The following ACSBG2 variants were observed in gnomAD, a reference collection of about 807,000 sequenced individuals.
The protein encoded by ACSBG2 is long-chain-fatty-acid--CoA ligase ACSBG2.
In ACSBG2, 62 loss-of-function variants were observed where a neutral mutation model predicts 74.7. The ratio of observed to expected loss-of-function variants is 0.83; its 90% CI spans 0.68 to 1.03. ACSBG2 has a LOEUF of 1.03. Among genes scored for constraint, ACSBG2 ranks in the 50% least tolerant of loss-of-function variants. The pLI is 0.00. For missense variants in ACSBG2, 730 were observed against 817.6 expected (o/e 0.89, Z 1.31); for synonymous variants, 309 against 294.1 (o/e 1.05, Z -0.52).
intron 7 of ACSBG2, among the ~76,000 whole-genome samples, chr19:6,169,565 G>A (rs1472451536): frequency 6.6e-6 from 1 of 151,892 alleles, no homozygotes; most frequent in Non-Finnish European, 1.5e-5. Context: ...TGCTCTATTT[G>A]GGCTTTCTGG....
In ACSBG2 at chr19:6,187,570, T is replaced by A. The variant is rs778188540; in HGVS notation, c.1681-29T>A. On this transcript the variant is annotated intron_variant, in intron 12 of 14. Coordinates refer to ENST00000588485, the MANE Select transcript of ACSBG2 (RefSeq NM_030924.5). ...GGGGAGGGGTGCTGGTCAAGGAGCATGGGTGGTGACAGAGGTGTCTGGGGG... is the reference window on the plus strand; with the variant it reads ...GGGGAGGGGTGCTGGTCAAGGAGCAAGGGTGGTGACAGAGGTGTCTGGGGG... 3.1e-6 allele frequency: 5 copies of A among 1,613,050 alleles called. No homozygotes were observed. The South Asian group carries it at 5.5e-5, about 18-fold the overall frequency.
Position 6,161,245 on chromosome 19 carries a change from G to A in ACSBG2, c.538G>A (p.Ala180Thr). Residue 180 changes from alanine to threonine, a missense_variant, in exon 6 of 15, where the codon GCG becomes ACG. Transcript: ENST00000588485. ...IPQSSLEPLKAIIQYRLPMKK... is the reference protein window; with the variant it reads ...IPQSSLEPLKTIIQYRLPMKK... ...ACAGAGCAGCCTAGAGCCCCTAAAA[G>A]CGATCATCCAGTACAGACTGCCAAT... The A allele has an allele frequency of 6.2e-7, 1 of 1,613,720 alleles. No homozygotes were observed. The highest frequency in any genetic ancestry group is 8.5e-7 in the Non-Finnish European group (1 of 1,179,732).
At chr19:6,149,679 T>G (rs887026187) in intron 3 of ACSBG2, among the ~76,000 whole-genome samples, 1 of 152,046 alleles carries the variant, frequency 6.6e-6, no homozygotes, top group African/African-American at 2.4e-5. Flanking sequence ...GCTAATTTTT[T>G]GTATATTTAG....
At chr19:6,182,714 G>A in intron 8 of ACSBG2, 37 bp from the exon 9 acceptor site, 1 of 1,597,226 alleles carries the variant, frequency 6.3e-7, no homozygotes. Flanking sequence ...GTGCACGGAA[G>A]GCCCTGCTGT....
chr19:6,163,538 C>T (rs891639960), intron 6 of ACSBG2, among the ~76,000 whole-genome samples: 2 of 149,848 alleles, frequency 1.3e-5, no homozygotes, highest in Admixed American at 6.7e-5. Flanking sequence ...GTCAGGAGTT[C>T]GAGACCATCC....
chr19:6,191,983 A>G lies in ACSBG2; in HGVS notation c.*36-685A>G, dbSNP rs924317374. 6 of 151,194 alleles carry G rather than the reference A, an allele frequency of 4.0e-5. No homozygotes were observed. The East Asian group carries it at 1.2e-3, about 29-fold the overall frequency. 9.4% of individuals were successfully genotyped at this position (151,194 alleles called of 1,614,324 possible). On this transcript the variant is annotated intron_variant, in intron 14 of 14. Coordinates refer to ENST00000588485, the MANE Select transcript of ACSBG2 (RefSeq NM_030924.5). ...GACCCTCTTACACCAGTGCTGTCCA[A>G]TATGGCAGCCACTGGCCACTATGTG...
chr19:6,149,338 A>T (rs76493785), intron 3 of ACSBG2, among the ~76,000 whole-genome samples: 9,007 of 152,056 alleles, frequency 0.059, 822 homozygotes, highest in African/African-American at 0.2. Context: ...AGAACAGCAG[A>T]TCATTGCCAG....
chr19:6,183,641 G>A (rs16993450), intron 10 of ACSBG2, among the ~76,000 whole-genome samples: 2,830 of 152,188 alleles, frequency 0.019, 85 homozygotes, highest in African/African-American at 0.066. Context: ...TAGGCTGCAA[G>A]GTTGAACCCA....
intron 7 of ACSBG2, among the ~76,000 whole-genome samples, chr19:6,170,557 T>C (rs1436305262): frequency 2.6e-5 from 4 of 152,166 alleles, no homozygotes; most frequent in South Asian, 4.1e-4. Flanking sequence ...GTTTTGAGGG[T>C]TCCTCTTGGT....
At chr19:6,150,491 A>G (rs558410541) in intron 3 of ACSBG2, among the ~76,000 whole-genome samples, 16 of 152,328 alleles carry the variant, frequency 1.1e-4, no homozygotes, top group Admixed American at 9.1e-4. Context: ...GTCCGCCCAT[A>G]CAAGGGAATA....
intron 5 of ACSBG2, among the ~76,000 whole-genome samples, chr19:6,160,917 C>A (rs560780734): frequency 1.3e-5 from 2 of 151,998 alleles, no homozygotes; most frequent in African/African-American, 2.4e-5. Context: ...CTGGCCAATA[C>A]GGTGAAACCC....
In ACSBG2 at chr19:6,168,858, A is replaced by G. The variant is rs529592734; in HGVS notation, c.738+2843A>G. 7.9e-5 allele frequency among the ~76,000 whole-genome samples: 12 copies of G among 152,274 alleles called. No individual in the cohort carries two copies. The South Asian group carries it at 8.3e-4, about 11-fold the overall frequency. On this transcript the variant is annotated intron_variant, in intron 7 of 14. Coordinates refer to ENST00000588485, the MANE Select transcript of ACSBG2 (RefSeq NM_030924.5). ...CAGTGACACTATCGCGGCACACTGC[A>G]ATGTCCACCTCCCAGGTTTAAACAA...
chr19:6,179,414 C>T (rs954786591), intron 8 of ACSBG2, among the ~76,000 whole-genome samples: 3 of 151,590 alleles, frequency 2.0e-5, no homozygotes, highest in Non-Finnish European at 4.4e-5. Context: ...ATCCTCCCAC[C>T]TCAGCCTCCC....
intron 6 of ACSBG2, among the ~76,000 whole-genome samples, chr19:6,163,114 A>AAAATAC (rs1159537856): frequency 3.1e-5 from 4 of 128,468 alleles, no homozygotes; most frequent in African/African-American, 1.2e-4. Context: ...GTCTCTACTA[A>AAAATAC]AAATACAAAT....
intron 7 of ACSBG2, among the ~76,000 whole-genome samples, chr19:6,166,284 G>GTGTGTT (rs1216747600): frequency 9.9e-5 from 6 of 60,306 alleles, no homozygotes; most frequent in South Asian, 1.4e-3. Flanking sequence ...GGAAGGTTGT[G>GTGTGTT]TGTGTGTGTG....
At position 6,166,280 on chromosome 19, in the gene ACSBG2, T is replaced by TTGTGTGTGTGTGTGTGTGTGTGTG. The variant is rs35422900; in HGVS notation, c.738+293_738+316dup. On this transcript the variant is annotated intron_variant, in intron 7 of 14. Transcript: ENST00000588485. ...GATTCCTCTGTGTGAGTCAGGAAGG[T>TTGTGTGTGTGTGTGTGTGTGTGTG]TGTGTGTGTGTGTGTGTGTGTGTGT... Among the ~76,000 whole-genome samples, 458 of 119,128 alleles carry TTGTGTGTGTGTGTGTGTGTGTGTG rather than the reference T, an allele frequency of 3.8e-3. 26 individuals are homozygous for TTGTGTGTGTGTGTGTGTGTGTGTG. Among genetic ancestry groups the TTGTGTGTGTGTGTGTGTGTGTGTG allele is most frequent in the African/African-American group, 0.013 (348 of 26,558 alleles). The allele number at this position is 119,128 out of a possible 152,430, so 78.2% of individuals were successfully genotyped here.
At chr19:6,143,896 C>A (rs2088935402) in intron 2 of ACSBG2, among the ~76,000 whole-genome samples, 1 of 152,142 alleles carries the variant, frequency 6.6e-6, no homozygotes, top group Admixed American at 6.6e-5. Flanking sequence ...AAGTCCTAAC[C>A]CCCAGGTGCT....
At chr19:6,189,312 T>C (rs1180751220) in intron 13 of ACSBG2, among the ~76,000 whole-genome samples, 1 of 152,218 alleles carries the variant, frequency 6.6e-6, no homozygotes, top group Non-Finnish European at 1.5e-5. Context: ...CTGTATGTTT[T>C]ATTTTTGCCT....
At chr19:6,154,068 A>G (rs2089329674) in intron 4 of ACSBG2, among the ~76,000 whole-genome samples, 1 of 152,010 alleles carries the variant, frequency 6.6e-6, no homozygotes, top group African/African-American at 2.4e-5. Context: ...CCAAATTTTT[A>G]TGAGCATATA....
Sources: gnomAD v4.1 joint callset for allele counts (sites outside exome capture counted in the v4.1 genomes callset) on GRCh38, gnomAD v4.1.1 for gene constraint, MANE v1.5 for transcripts, NCBI Gene and HGNC (gene_info 2026-07-23, HGNC 2026-07-21) for gene names.